The following AGAP1 variants were observed in gnomAD, a reference collection of about 807,000 sequenced individuals.
AGAP1 encodes the protein ArfGAP with GTPase domain, ankyrin repeat and PH domain 1.
AGAP1 carries 29 observed loss-of-function variants against 105.3 expected under a neutral mutation model. The ratio of observed to expected loss-of-function variants is 0.28; its 90% CI spans 0.21 to 0.38. The LOEUF is 0.38. Ranked by LOEUF, AGAP1 falls within the 10% of genes least tolerant of loss-of-function variation. AGAP1 has a pLI of 1.00. For missense variants in AGAP1, 998 were observed against 1,165.1 expected (o/e 0.86, Z 2.09); for synonymous variants, 509 against 485.9 (o/e 1.05, Z -0.63).
chr2:235,555,805 G>T lies in AGAP1; in HGVS notation c.163+60956G>T, dbSNP rs1943954768. 6.6e-6 allele frequency among the ~76,000 whole-genome samples: 1 copy of T among 152,180 alleles called. No homozygotes were observed. Among genetic ancestry groups the T allele is most frequent in the Non-Finnish European group, 1.5e-5 (1 of 68,028 alleles). Reference sequence around the variant, plus strand: ...CATCACTCATTTCTGAGTTACAGAAGTTAAATAGTGACTTGGTTCGGGGTC... The same window carrying T: ...CATCACTCATTTCTGAGTTACAGAATTTAAATAGTGACTTGGTTCGGGGTC... On this transcript the variant is annotated intron_variant, in intron 1 of 17. Transcript: ENST00000304032. This position sits in a 1 kb window ranked among gnomAD's most constrained non-coding sequence, Gnocchi z 5.1.
At chr2:235,499,873 T>TGAAG (rs1941490143) in intron 1 of AGAP1, among the ~76,000 whole-genome samples, 1 of 152,170 alleles carries the variant, frequency 6.6e-6, no homozygotes, top group African/African-American at 2.4e-5. Flanking sequence ...GTCTGGCCCT[T>TGAAG]GAAGGATGCC....
chr2:235,771,070 G>A (rs932635893), intron 6 of AGAP1, among the ~76,000 whole-genome samples: 4 of 152,172 alleles, frequency 2.6e-5, no homozygotes, highest in Admixed American at 6.5e-5. Context: ...GAGTGCGGCC[G>A]CCGCAGGTGC....
intron 13 of AGAP1, among the ~76,000 whole-genome samples, chr2:235,996,748 A>G (rs1370987006): frequency 6.6e-6 from 1 of 152,252 alleles, no homozygotes; most frequent in African/African-American, 2.4e-5. Context: ...TGTAGACAGA[A>G]GTAACCATAT....
At chr2:235,858,603 T>C (rs1313108058) in intron 9 of AGAP1, among the ~76,000 whole-genome samples, 13 of 152,206 alleles carry the variant, frequency 8.5e-5, no homozygotes, top group Non-Finnish European at 1.0e-4. Flanking sequence ...AAAAAAAATA[T>C]GAACTAGTTC....
At position 236,040,693 on chromosome 2, in the gene AGAP1, G is replaced by T; in HGVS notation, c.1801-58G>T. The T allele has an allele frequency of 6.6e-7, 1 of 1,521,102 alleles. No homozygotes were observed. Among genetic ancestry groups the T allele is most frequent in the Non-Finnish European group, 9.1e-7 (1 of 1,099,228 alleles). The allele number at this position is 1,521,102 out of a possible 1,614,324, so 94.2% of individuals were successfully genotyped here. ...TTGATCTTTCCCTGATGTTATCAGT[G>T]ATGTGCGTTTCTCCCGGGGTGCTTA... is the stretch of plus-strand genomic sequence containing the variant. On this transcript the variant is annotated intron_variant, in intron 14 of 17. Transcript: ENST00000304032. This position sits in a 1 kb window ranked among gnomAD's most constrained non-coding sequence, Gnocchi z 5.6.
rs1381472800 is a variant in AGAP1, at chr2:235,655,772, A to T, written c.164-53407A>T. On this transcript the variant is annotated intron_variant, in intron 1 of 17. Coordinates refer to ENST00000304032, the MANE Select transcript of AGAP1 (RefSeq NM_001037131.3). The surrounding 1 kb of genome is among the most constrained non-coding windows in gnomAD (Gnocchi z 4.3). The stretch of plus-strand genomic sequence containing the variant: ...AGTGCCACGTGTGTATTTTTAACAC[A>T]TTTCCAAAAGCATGATTTATTCAGG... 6.6e-6 allele frequency among the ~76,000 whole-genome samples: 1 copy of T among 152,230 alleles called. No homozygotes were observed.
chr2:235,751,188 G>C lies in AGAP1; in HGVS notation c.673+700G>C, dbSNP rs1953404465. ...CTGTGCAGATGCGTGGGGTGGGCGG[G>C]AGAGGTGGCGTCACCCTGGGGATAG... is the stretch of plus-strand genomic sequence containing the variant. On this transcript the variant is annotated intron_variant, in intron 6 of 17. Transcript: ENST00000304032. This position sits in a 1 kb window ranked among gnomAD's most constrained non-coding sequence, Gnocchi z 5.3. 6.6e-6 allele frequency among the ~76,000 whole-genome samples: 1 copy of C among 152,004 alleles called. No homozygotes were observed. Among genetic ancestry groups the C allele is most frequent in the Non-Finnish European group, 1.5e-5 (1 of 68,004 alleles).
chr2:235,750,534 G>A lies in AGAP1; in HGVS notation c.673+46G>A. 1 of 1,610,472 alleles carries A rather than the reference G, an allele frequency of 6.2e-7. No individual in the cohort carries two copies. ...GTTTAATTTCAGTTCATGATAGACG[G>A]GAGGCACTTCAAGAAGTCAGTCCTG... On this transcript the variant is annotated intron_variant, in intron 6 of 17. Transcript: ENST00000304032. This position sits in a 1 kb window ranked among gnomAD's most constrained non-coding sequence, Gnocchi z 5.3.
Position 235,609,233 on chromosome 2 carries a change from G to A in AGAP1, c.164-99946G>A, listed in dbSNP as rs1489300429. Among the ~76,000 whole-genome samples, 6 of 152,092 alleles carry A rather than the reference G, an allele frequency of 3.9e-5. No homozygotes were observed. The highest frequency in any genetic ancestry group is 5.9e-5 in the Non-Finnish European group (4 of 68,024). ...TTTTTCTTGATCACTGATGATGACC[G>A]TAAACAAGCTGTGGGAACATAAGGA... On this transcript the variant is annotated intron_variant, in intron 1 of 17. Coordinates refer to ENST00000304032, the MANE Select transcript of AGAP1 (RefSeq NM_001037131.3). The surrounding 1 kb of genome is among the most constrained non-coding windows in gnomAD (Gnocchi z 5.1).
rs780185287 is a variant in AGAP1 at position 235,984,344 on chromosome 2, G to A, written c.1645+15721G>A. Reference sequence around the variant, plus strand: ...TTTTGGCTGTTATGAAGGATGCTGCGTGAACATTGTCACACAAGTATCTGT... The same window carrying A: ...TTTTGGCTGTTATGAAGGATGCTGCATGAACATTGTCACACAAGTATCTGT... On this transcript the variant is annotated intron_variant, in intron 13 of 17. Coordinates refer to ENST00000304032, the MANE Select transcript of AGAP1 (RefSeq NM_001037131.3). 9.3e-4 allele frequency among the ~76,000 whole-genome samples: 142 copies of A among 152,120 alleles called. 1 individual carries two copies. The highest frequency in any genetic ancestry group is 1.5e-3 in the African/African-American group (61 of 41,514).
intron 11 of AGAP1, among the ~76,000 whole-genome samples, chr2:235,909,982 C>A (rs552781124): frequency 6.6e-6 from 1 of 151,760 alleles, no homozygotes; most frequent in East Asian, 2.0e-4. Flanking sequence ...GATTGCGCCA[C>A]TGCACTCCAG....
intron 1 of AGAP1, among the ~76,000 whole-genome samples, chr2:235,696,747 C>T (rs553609934): frequency 5.8e-4 from 89 of 152,220 alleles, no homozygotes; most frequent in East Asian, 1.2e-3. Context: ...TTATCCATGC[C>T]ACCTCTCAGA....
chr2:235,746,246 A>T (rs1289117504), intron 5 of AGAP1, among the ~76,000 whole-genome samples: 1 of 151,560 alleles, frequency 6.6e-6, no homozygotes, highest in Non-Finnish European at 1.5e-5. Context: ...AGATCGTGCC[A>T]CTGCACTCCA....
chr2:235,681,843 C>CTTTTT (rs56934868), intron 1 of AGAP1, among the ~76,000 whole-genome samples: 30 of 78,328 alleles, frequency 3.8e-4, no homozygotes, highest in East Asian at 1.4e-3. Context: ...ATTTAGTTTG[C>CTTTTT]TTTTTTTTTT....
chr2:235,538,114 A>G (rs1347955641), intron 1 of AGAP1, among the ~76,000 whole-genome samples: 6 of 152,228 alleles, frequency 3.9e-5, no homozygotes, highest in Non-Finnish European at 7.3e-5. Context: ...GAGAACCACT[A>G]TGAAGTCTAA....
intron 13 of AGAP1, among the ~76,000 whole-genome samples, chr2:236,019,222 T>A (rs2056808370): frequency 6.6e-6 from 1 of 152,196 alleles, no homozygotes; most frequent in South Asian, 2.1e-4. Flanking sequence ...CTCAGGTCCC[T>A]GCTGGGATGC....
Position 236,064,133 on chromosome 2 carries a change from C to T in AGAP1, c.2114+14852C>T, listed in dbSNP as rs866669869. 3.9e-5 allele frequency among the ~76,000 whole-genome samples: 6 copies of T among 152,256 alleles called. No individual in the cohort carries two copies. The Middle Eastern group carries it at 0.01, about 259-fold the overall frequency. ...ACACCCAGACAGGAAAAGTGACTTG[C>T]CTATAATTAACCCAGTGACTTGGAC... On this transcript the variant is annotated intron_variant, in intron 16 of 17. Coordinates refer to ENST00000304032, the MANE Select transcript of AGAP1 (RefSeq NM_001037131.3).
rs1027857650 is a variant in AGAP1, at chr2:235,855,936, T to C, written c.1051-27409T>C. ...TTATTATTATTATTTTCTTTTGAGA[T>C]GGAGTCTCGCTCTGTCACCCAGGCT... On this transcript the variant is annotated intron_variant, in intron 9 of 17. Transcript: ENST00000304032. The surrounding 1 kb of genome is among the most constrained non-coding windows in gnomAD (Gnocchi z 5.0). Among the ~76,000 whole-genome samples the C allele has an allele frequency of 1.3e-5, 2 of 152,106 alleles. No individual in the cohort carries two copies. The highest frequency in any genetic ancestry group is 2.9e-5 in the Non-Finnish European group (2 of 68,020).
intron 10 of AGAP1, among the ~76,000 whole-genome samples, chr2:235,894,364 G>A (rs1320684819): frequency 6.6e-6 from 1 of 152,106 alleles, no homozygotes; most frequent in East Asian, 1.9e-4. Context: ...GCTTCCCTGG[G>A]AACAGCCAGA....
Sources: allele counts gnomAD v4.1 joint callset (sites outside exome capture counted in the v4.1 genomes callset), GRCh38; gene constraint gnomAD v4.1.1; non-coding constraint Gnocchi (gnomAD v3.1); transcripts MANE v1.5; gene names NCBI Gene and HGNC (gene_info 2026-07-23, HGNC 2026-07-21).